Variants in EBF3 observed in about 807,000 individuals in gnomAD.
EBF3 encodes the protein transcription factor COE3.
In EBF3, 18 loss-of-function variants were observed where a neutral mutation model predicts 77.1. The observed-to-expected ratio is 0.23, with a 90% CI of 0.16 to 0.35. The LOEUF (loss-of-function observed/expected upper bound fraction) is 0.35. EBF3 is among the 10% of genes least tolerant of loss of function. The pLI, the probability that EBF3 is intolerant of heterozygous loss-of-function variation, is 1.00. For missense variants in EBF3, 558 were observed against 860.0 expected, an observed-to-expected ratio of 0.65 and a Z score of 4.39; for synonymous variants, 350 against 343.5, an observed-to-expected ratio of 1.02 and a Z score of -0.21.
chr10:129,947,263 TGCTG>T lies in EBF3; in HGVS notation c.554+9991_554+9994del. Among the ~76,000 whole-genome samples the T allele has an allele frequency of 6.6e-6, 1 of 152,328 alleles. No individual in the cohort carries two copies. The highest frequency in any genetic ancestry group is 1.9e-4 in the East Asian group (1 of 5,184). On this transcript the variant is annotated intron_variant, in intron 6 of 16. Transcript: ENST00000440978. This position sits in a 1 kb window ranked among gnomAD's most constrained non-coding sequence, Gnocchi z 4.5. ...CAAACCTTTCCTAATGGGAAACAAA[TGCTG>T]TGGGTGTGAATTCATACTTAACCAT...
rs150384256 is a variant in EBF3 at position 129,883,811 on chromosome 10, G to A, written c.555-5962C>T. Among the ~76,000 whole-genome samples the A allele has an allele frequency of 4.8e-3, 731 of 152,270 alleles. 8 individuals are homozygous for A. Among genetic ancestry groups the A allele is most frequent in the African/African-American group, 0.017 (709 of 41,544 alleles). On this transcript the variant is annotated intron_variant, in intron 6 of 16. Coordinates refer to ENST00000440978, the MANE Select transcript of EBF3 (RefSeq NM_001375380.1). The stretch of plus-strand genomic sequence containing the variant: ...GTGGGTACAGGGTTTCCTCTTGTGG[G>A]GGTAACGGGGACATTTGGAACTAGA...
intron 6 of EBF3, among the ~76,000 whole-genome samples, chr10:129,950,221 CAT>C (rs1256693919): frequency 6.6e-6 from 1 of 152,184 alleles, no homozygotes; most frequent in Non-Finnish European, 1.5e-5. Context: ...CCTTTCCGCA[CAT>C]GTTAAACTCA....
Position 129,938,785 on chromosome 10 carries a change from T to C in EBF3, c.554+18473A>G. 6.6e-6 allele frequency among the ~76,000 whole-genome samples: 1 copy of C among 152,060 alleles called. No individual in the cohort carries two copies. The highest frequency in any genetic ancestry group is 1.9e-4 in the East Asian group (1 of 5,154). Reference sequence around the variant, plus strand: ...GAGTCAATAGGGGCAAGATGTTACATGGGGGTCTTCGTGGCCCATAAAACC... The same window carrying C: ...GAGTCAATAGGGGCAAGATGTTACACGGGGGTCTTCGTGGCCCATAAAACC... On this transcript the variant is annotated intron_variant, in intron 6 of 16. Transcript: ENST00000440978. The surrounding 1 kb of genome is among the most constrained non-coding windows in gnomAD (Gnocchi z 5.1).
In EBF3 at chr10:129,841,974, G is replaced by T; in HGVS notation, c.1372+142C>A. On this transcript the variant is annotated intron_variant, in intron 13 of 16. Coordinates refer to ENST00000440978, the MANE Select transcript of EBF3 (RefSeq NM_001375380.1). This position sits in a 1 kb window ranked among gnomAD's most constrained non-coding sequence, Gnocchi z 4.6. ...AGGACCTGCAGCAAGGTCTTCCTGAGCAAAGGAACCAGCAGAGCCAGAGAG... is the reference window on the plus strand; with the variant it reads ...AGGACCTGCAGCAAGGTCTTCCTGATCAAAGGAACCAGCAGAGCCAGAGAG... 1 of 1,120,626 alleles carries T rather than the reference G, an allele frequency of 8.9e-7. No homozygotes were observed. Among genetic ancestry groups the T allele is most frequent in the Non-Finnish European group, 1.3e-6 (1 of 799,410 alleles). The allele number at this position is 1,120,626 out of a possible 1,614,324, so 69.4% of individuals were successfully genotyped here. A position where few individuals can be genotyped will look rare whatever the true frequency, so the allele number is the denominator to read the frequency against.
At chr10:129,919,585 C>A (rs1031338178) in intron 6 of EBF3, among the ~76,000 whole-genome samples, 1 of 152,102 alleles carries the variant, frequency 6.6e-6, no homozygotes. Flanking sequence ...CAGCCCTGCC[C>A]CAGGCGTTGC....
At chr10:129,854,910 T>C (rs1331039876) in intron 10 of EBF3, among the ~76,000 whole-genome samples, 16 of 152,196 alleles carry the variant, frequency 1.1e-4, no homozygotes, top group Admixed American at 1.0e-3. Flanking sequence ...CCGGCCTGGC[T>C]CCCCAGCCTG....
rs1849583093 is a variant in EBF3, at chr10:129,835,871, CTT to C, written c.*2070_*2071del. The C allele has an allele frequency of 6.6e-6, 1 of 151,616 alleles. No individual in the cohort carries two copies. The highest frequency in any genetic ancestry group is 1.5e-5 in the Non-Finnish European group (1 of 67,928). 9.4% of individuals were successfully genotyped at this position (151,616 alleles called of 1,614,324 possible). A position where few individuals can be genotyped will look rare whatever the true frequency, so the allele number is the denominator to read the frequency against. ...AAGAAAAAAAAAAAAACACCTGACA[CTT>C]TTGGTCTCACTGTGGGTTTGGCACT... is the stretch of plus-strand genomic sequence containing the variant. On this transcript the variant is annotated 3_prime_UTR_variant, in exon 17 of 17. Transcript: ENST00000440978.
chr10:129,892,864 G>A (rs751415754), intron 6 of EBF3, among the ~76,000 whole-genome samples: 4 of 152,194 alleles, frequency 2.6e-5, no homozygotes, highest in South Asian at 2.1e-4. Flanking sequence ...CTTGAACGTC[G>A]CCATCAAATC....
At chr10:129,959,719 C>A (rs1859342128) in intron 4 of EBF3, among the ~76,000 whole-genome samples, 1 of 151,838 alleles carries the variant, frequency 6.6e-6, no homozygotes, top group Admixed American at 6.6e-5. Context: ...CTGCACGCTG[C>A]GGGCGGCCTG....
In EBF3 at chr10:129,963,733, C is replaced by T; in HGVS notation, c.36G>A (p.Gly12=). 1 of 1,533,554 alleles carries T rather than the reference C, an allele frequency of 6.5e-7. No homozygotes were observed. The highest frequency in any genetic ancestry group is 8.8e-7 in the Non-Finnish European group (1 of 1,132,996). The allele number at this position is 1,533,554 out of a possible 1,614,324, so 95.0% of individuals were successfully genotyped here. Residue 12 remains glycine, a synonymous_variant, in exon 1 of 17, where the codon GGG becomes GGA. Coordinates refer to ENST00000440978, the MANE Select transcript of EBF3 (RefSeq NM_001375380.1). This position sits in a 1 kb window ranked among gnomAD's most constrained non-coding sequence, Gnocchi z 7.1. ...FGIQENIPRG[G]TTMKEEPLGS... ...CCAGCGGCTCCTCCTTCATGGTCGT[C>T]CCCCCGCGCGGAATATTCTCCTGAA...
At chr10:129,926,260 C>G (rs1856661567) in intron 6 of EBF3, among the ~76,000 whole-genome samples, 1 of 152,196 alleles carries the variant, frequency 6.6e-6, no homozygotes, top group African/African-American at 2.4e-5. Context: ...GGAACGCACA[C>G]CTTGGCGCCA....
intron 6 of EBF3, among the ~76,000 whole-genome samples, chr10:129,946,514 T>G (rs955365348): frequency 1.3e-5 from 2 of 152,142 alleles, no homozygotes; most frequent in Non-Finnish European, 2.9e-5. Flanking sequence ...TAAGCCTCGC[T>G]TTATTCACAA....
intron 6 of EBF3, among the ~76,000 whole-genome samples, chr10:129,900,248 A>G (rs533991972): frequency 6.6e-6 from 1 of 152,340 alleles, no homozygotes; most frequent in Admixed American, 6.5e-5. Context: ...ACAGTGTCAG[A>G]TGAAGTTAAA....
intron 11 of EBF3, among the ~76,000 whole-genome samples, chr10:129,847,095 G>A (rs1850521740): frequency 6.6e-6 from 1 of 152,152 alleles, no homozygotes; most frequent in South Asian, 2.1e-4. Flanking sequence ...TGCCAGCGGG[G>A]AGGACTGTGC....
intron 6 of EBF3, among the ~76,000 whole-genome samples, chr10:129,894,331 G>A (rs552325537): frequency 1.1e-4 from 16 of 152,202 alleles, no homozygotes; most frequent in African/African-American, 3.6e-4. Flanking sequence ...TTCTAAAATG[G>A]GTGCATTAAT....
chr10:129,850,813 G>A (rs996634764), intron 10 of EBF3, among the ~76,000 whole-genome samples: 1 of 152,168 alleles, frequency 6.6e-6, no homozygotes, highest in African/African-American at 2.4e-5. Context: ...GCAAAGCCTG[G>A]CCAACTGGTG....
intron 6 of EBF3, among the ~76,000 whole-genome samples, chr10:129,939,830 C>T (rs1857605724): frequency 6.6e-6 from 1 of 152,258 alleles, no homozygotes. Context: ...GAAAATGGAA[C>T]CGACCTTACG....
In EBF3 at chr10:129,884,711, T is replaced by A. The variant is rs1178550603; in HGVS notation, c.555-6862A>T. On this transcript the variant is annotated intron_variant, in intron 6 of 16. Transcript: ENST00000440978. ...GATGGCTGGACTCCCCAACTGGGAG[T>A]ACCTGGCCTGCACGTGCATGCTCCC... 2.6e-5 allele frequency among the ~76,000 whole-genome samples: 4 copies of A among 152,192 alleles called. No homozygotes were observed. In the East Asian group the frequency reaches 5.8e-4, roughly 22 times the overall value.
intron 6 of EBF3, among the ~76,000 whole-genome samples, chr10:129,916,179 G>A (rs1456768400): frequency 1.3e-5 from 2 of 152,152 alleles, no homozygotes; most frequent in African/African-American, 4.8e-5. Context: ...GAAAACACAG[G>A]CATGTGAGAG....
Sources: allele counts gnomAD v4.1 joint callset (sites outside exome capture counted in the v4.1 genomes callset), GRCh38; gene constraint gnomAD v4.1.1; non-coding constraint Gnocchi (gnomAD v3.1); transcripts MANE v1.5; gene names NCBI Gene and HGNC (gene_info 2026-07-23, HGNC 2026-07-21).